Variants in PCDHB10 observed in about 807,000 individuals in gnomAD.
PCDHB10 encodes the protein protocadherin beta-10.
For missense variants in PCDHB10, 1,046 were observed against 1,004.7 expected (o/e 1.04, Z -0.56); for synonymous variants, 448 against 449.2 (o/e 1.00, Z 0.04).
chr5:141,195,126 GTTTAA>G lies in PCDHB10; in HGVS notation c.*178_*182del, dbSNP rs2149670873. The G allele has an allele frequency of 1.6e-6, 1 of 642,078 alleles. No homozygotes were observed. Among genetic ancestry groups the G allele is most frequent in the African/African-American group, 1.9e-5 (1 of 53,326 alleles). The allele number at this position is 642,078 out of a possible 1,614,324, so 39.8% of individuals were successfully genotyped here. On this transcript the variant is annotated 3_prime_UTR_variant, in exon 1 of 1. Transcript: ENST00000239446. Reference sequence around the variant, plus strand: ...ATTTTTTTGCATTAATAACAACTGGGTTTAATTTAATGAGTATTTTTTTCTAAATG... The same window carrying G: ...ATTTTTTTGCATTAATAACAACTGGGTTTAATGAGTATTTTTTTCTAAATG...
rs1387667515 is a variant in PCDHB10 at position 141,195,027 on chromosome 5, C to G, written c.*72C>G. ...TTTCTATTAGTTTACTTTTAAATCTCAAATTTAAGTTATTATGCAACTTCA... is the reference window on the plus strand; with the variant it reads ...TTTCTATTAGTTTACTTTTAAATCTGAAATTTAAGTTATTATGCAACTTCA... On this transcript the variant is annotated 3_prime_UTR_variant, in exon 1 of 1. Transcript: ENST00000239446. 5.5e-6 allele frequency: 8 copies of G among 1,446,088 alleles called. No individual in the cohort carries two copies. Among genetic ancestry groups the G allele is most frequent in the Non-Finnish European group, 6.5e-6 (7 of 1,076,960 alleles). 89.6% of individuals were successfully genotyped at this position (1,446,088 alleles called of 1,614,324 possible). A position where few individuals can be genotyped will look rare whatever the true frequency, so the allele number is the denominator to read the frequency against.
At position 141,193,321 on chromosome 5, in the gene PCDHB10, A is replaced by C; in HGVS notation, c.769A>C (p.Ile257Leu). 6.2e-7 allele frequency: 1 copy of C among 1,614,070 alleles called. No individual in the cohort carries two copies. The highest frequency in any genetic ancestry group is 8.5e-7 in the Non-Finnish European group (1 of 1,179,988). ...GACCCAGGCTCCAGAAAACAGCCCC[A>C]TTGGGTTCCTTATTGTTAAGGTATG... ...YETQAPENSP[I>L]GFLIVKVWAE... The change falls in exon 1 of 1, where the codon ATT (isoleucine) becomes CTT (leucine). Residue 257 changes from isoleucine (I) to leucine (L), a missense_variant. Transcript: ENST00000239446.
Position 141,195,011 on chromosome 5 carries a change from G to A in PCDHB10, c.*56G>A. On this transcript the variant is annotated 3_prime_UTR_variant, in exon 1 of 1. Coordinates refer to ENST00000239446, the MANE Select transcript of PCDHB10 (RefSeq NM_018930.4). ...GTGTTACATAGCCATGTTTCTATTA[G>A]TTTACTTTTAAATCTCAAATTTAAG... 1 of 1,495,166 alleles carries A rather than the reference G, an allele frequency of 6.7e-7. No homozygotes were observed. Among genetic ancestry groups the A allele is most frequent in the African/African-American group, 1.4e-5 (1 of 71,362 alleles). The allele number at this position is 1,495,166 out of a possible 1,614,324, so 92.6% of individuals were successfully genotyped here.
At position 141,193,053 on chromosome 5, in the gene PCDHB10, C is replaced by G; in HGVS notation, c.501C>G (p.Ile167Met). Residue 167 changes from isoleucine to methionine, a missense_variant, in exon 1 of 1, where the codon ATC becomes ATG. Transcript: ENST00000239446. ...AQDPDGGLNG[I>M]QNYTISPNSF... ...ATCCAGATGGAGGACTTAACGGTAT[C>G]CAAAACTACACGATCAGCCCCAACT... The G allele has an allele frequency of 6.2e-7, 1 of 1,614,166 alleles. No individual in the cohort carries two copies. Among genetic ancestry groups the G allele is most frequent in the Non-Finnish European group, 8.5e-7 (1 of 1,180,028 alleles).
rs1282697313 is a variant in PCDHB10, at chr5:141,194,800, A to C, written c.2248A>C (p.Ser750Arg). ...DVRGAETLSQ[S>R]YQYEVCLTGG... ...GAGGGGCGCTGAGACCCTGTCCCAG[A>C]GCTACCAGTATGAGGTGTGTCTGAC... Residue 750 changes from serine to arginine, a missense_variant, in exon 1 of 1, where the codon AGC becomes CGC. Transcript: ENST00000239446. 4 of 1,613,914 alleles carry C rather than the reference A, an allele frequency of 2.5e-6. No homozygotes were observed. In the Admixed American group the frequency reaches 6.7e-5, roughly 27 times the overall value.
In PCDHB10 at chr5:141,194,579, C is replaced by A. The variant is rs371615650; in HGVS notation, c.2027C>A (p.Ala676Glu). 6.4e-7 allele frequency: 1 copy of A among 1,559,114 alleles called. No homozygotes were observed. Among genetic ancestry groups the A allele is most frequent in the Admixed American group, 1.8e-5 (1 of 54,508 alleles). Residue 676 changes from alanine (A) to glutamate (E), a missense_variant, in exon 1 of 1, where the codon GCG (alanine) becomes GAG (glutamate). Ala to Glu is a moderately radical substitution (Grantham distance 107). Transcript: ENST00000239446. ...CAGCCCTACCTGCCTCTCCCGGAGG[C>A]GGCCCCGGCCCAGGCCCAGGCCGAG... Reference protein sequence around the residue: ...FSQPYLPLPEAAPAQAQAEAD... With the variant: ...FSQPYLPLPEEAPAQAQAEAD...
In PCDHB10 at chr5:141,192,972, A is replaced by T. The variant is rs1554283933; in HGVS notation, c.420A>T (p.Leu140Phe). ...APVFQDKETVLKISENTAEGT... is the reference protein window; with the variant it reads ...APVFQDKETVFKISENTAEGT... ...TATTTCAGGACAAAGAAACAGTCTTAAAAATATCAGAAAATACAGCTGAAG... is the reference window on the plus strand; with the variant it reads ...TATTTCAGGACAAAGAAACAGTCTTTAAAATATCAGAAAATACAGCTGAAG... The change falls in exon 1 of 1, where the codon TTA becomes TTT. Residue 140 changes from leucine to phenylalanine, a missense_variant. Coordinates refer to ENST00000239446, the MANE Select transcript of PCDHB10 (RefSeq NM_018930.4). 6.2e-7 allele frequency: 1 copy of T among 1,614,104 alleles called. No homozygotes were observed. The highest frequency in any genetic ancestry group is 1.3e-5 in the African/African-American group (1 of 74,920).
rs370823602 is a variant in PCDHB10, at chr5:141,194,988, G to T, written c.*33G>T. 2.0e-6 allele frequency: 3 copies of T among 1,538,230 alleles called. No individual in the cohort carries two copies. The highest frequency in any genetic ancestry group is 2.6e-6 in the Non-Finnish European group (3 of 1,142,412). Reference sequence around the variant, plus strand: ...TTTTAGTTTCATATACTTTTGGTGTGTTACATAGCCATGTTTCTATTAGTT... The same window carrying T: ...TTTTAGTTTCATATACTTTTGGTGTTTTACATAGCCATGTTTCTATTAGTT... On this transcript the variant is annotated 3_prime_UTR_variant, in exon 1 of 1. Transcript: ENST00000239446.
In PCDHB10 at chr5:141,195,047, A is replaced by G; in HGVS notation, c.*92A>G. The G allele has an allele frequency of 1.5e-6, 2 of 1,347,710 alleles. No homozygotes were observed. The highest frequency in any genetic ancestry group is 2.0e-6 in the Non-Finnish European group (2 of 996,210). 83.5% of individuals were successfully genotyped at this position (1,347,710 alleles called of 1,614,324 possible). ...AATCTCAAATTTAAGTTATTATGCA[A>G]CTTCAAGCATTATTTTCAAGTAGTA... On this transcript the variant is annotated 3_prime_UTR_variant, in exon 1 of 1. Coordinates refer to ENST00000239446, the MANE Select transcript of PCDHB10 (RefSeq NM_018930.4).
rs1554284125 is a variant in PCDHB10 at position 141,193,634 on chromosome 5, C to T, written c.1082C>T (p.Pro361Leu). Residue 361 changes from proline to leucine, a missense_variant, in exon 1 of 1, where the codon CCT (proline) becomes CTT (leucine). Transcript: ENST00000239446. ...TCCAACTCTGTTGCTGAGAATTCTC[C>T]TGAGACGCCGCTGGCTGTTTTTAAG... ...SFSNSVAENS[P>L]ETPLAVFKIN... is the part of the protein sequence containing the mutation. 3 of 1,614,144 alleles carry T rather than the reference C, an allele frequency of 1.9e-6. No homozygotes were observed. Among genetic ancestry groups the T allele is most frequent in the Non-Finnish European group, 1.7e-6 (2 of 1,180,040 alleles).
rs1754022082 is a variant in PCDHB10 at position 141,194,900 on chromosome 5, G to A, written c.2348G>A (p.Arg783Lys). The A allele has an allele frequency of 6.2e-7, 1 of 1,613,330 alleles. No homozygotes were observed. The highest frequency in any genetic ancestry group is 1.1e-5 in the South Asian group (1 of 91,002). ...GATATTCAGGCACAGGGCCCTGGGAGGAAGGGTGAAGAAAATTCCACCTTC... is the reference window on the plus strand; with the variant it reads ...GATATTCAGGCACAGGGCCCTGGGAAGAAGGGTGAAGAAAATTCCACCTTC... ...ISDIQAQGPG[R>K]KGEENSTFRN... is the part of the protein sequence containing the mutation. Residue 783 changes from arginine to lysine, a missense_variant, in exon 1 of 1, where the codon AGG (arginine) becomes AAG (lysine). Transcript: ENST00000239446.
chr5:141,194,388 C>G lies in PCDHB10; in HGVS notation c.1836C>G (p.Pro612=). The change falls in exon 1 of 1, where the codon CCC becomes CCG. Residue 612 remains proline (P), a synonymous_variant. Coordinates refer to ENST00000239446, the MANE Select transcript of PCDHB10 (RefSeq NM_018930.4). The part of the protein sequence containing the change: ...LSYQLLKATE[P]GLFGVWAHNG... Reference sequence around the variant, plus strand: ...ACCAGCTGCTCAAGGCCACGGAGCCCGGGCTGTTCGGTGTGTGGGCGCACA... The same window carrying G: ...ACCAGCTGCTCAAGGCCACGGAGCCGGGGCTGTTCGGTGTGTGGGCGCACA... 1 of 1,602,630 alleles carries G rather than the reference C, an allele frequency of 6.2e-7. No homozygotes were observed. The highest frequency in any genetic ancestry group is 8.5e-7 in the Non-Finnish European group (1 of 1,179,380).
Position 141,194,495 on chromosome 5 carries a change from G to C in PCDHB10, c.1943G>C (p.Gly648Ala). Residue 648 changes from glycine (G) to alanine (A), a missense_variant, in exon 1 of 1, where the codon GGC becomes GCC. Coordinates refer to ENST00000239446, the MANE Select transcript of PCDHB10 (RefSeq NM_018930.4). Reference protein sequence around the residue: ...HRLVVLVKDNGEPPRSATATL... With the variant: ...HRLVVLVKDNAEPPRSATATL... ...CTCGTGGTGCTTGTCAAGGACAATG[G>C]CGAGCCTCCTCGCTCGGCCACCGCC... 1.9e-6 allele frequency: 3 copies of C among 1,593,076 alleles called. No individual in the cohort carries two copies. The highest frequency in any genetic ancestry group is 2.6e-6 in the Non-Finnish European group (3 of 1,175,316).
Position 141,194,988 on chromosome 5 carries a change from G to A in PCDHB10, c.*33G>A, listed in dbSNP as rs370823602. ...TTTTAGTTTCATATACTTTTGGTGT[G>A]TTACATAGCCATGTTTCTATTAGTT... On this transcript the variant is annotated 3_prime_UTR_variant, in exon 1 of 1. Transcript: ENST00000239446. The A allele has an allele frequency of 1.2e-5, 18 of 1,538,230 alleles. No individual in the cohort carries two copies. In the African/African-American group the frequency reaches 2.5e-4, roughly 21 times the overall value.
Position 141,193,371 on chromosome 5 carries a change from C to T in PCDHB10, c.819C>T (p.Val273=). ...KVWAEDVDSG[V]NAEVSYSFFD... The stretch of plus-strand genomic sequence containing the variant: ...GGGCAGAAGATGTAGACTCTGGAGT[C>T]AACGCGGAAGTATCCTATTCATTTT... The change falls in exon 1 of 1, where the codon GTC becomes GTT. Residue 273 remains valine, a synonymous_variant. Transcript: ENST00000239446. 1.2e-6 allele frequency: 2 copies of T among 1,614,174 alleles called. No individual in the cohort carries two copies. Among genetic ancestry groups the T allele is most frequent in the Non-Finnish European group, 1.7e-6 (2 of 1,180,026 alleles).
chr5:141,194,643 C>G lies in PCDHB10; in HGVS notation c.2091C>G (p.Ala697=). 1 of 1,601,786 alleles carries G rather than the reference C, an allele frequency of 6.2e-7. No individual in the cohort carries two copies. The highest frequency in any genetic ancestry group is 8.5e-7 in the Non-Finnish European group (1 of 1,178,990). The change falls in exon 1 of 1, where the codon GCC becomes GCG. Residue 697 remains alanine, a synonymous_variant. Coordinates refer to ENST00000239446, the MANE Select transcript of PCDHB10 (RefSeq NM_018930.4). ...CCGTCTACCTGGTGGTGGCGTTGGC[C>G]TCGGTGTCTTCGCTCTTCCTCCTCT... ...LLTVYLVVAL[A]SVSSLFLLSV...
Position 141,194,754 on chromosome 5 carries a change from T to C in PCDHB10, c.2202T>C (p.Phe734=), listed in dbSNP as rs1754015715. The part of the protein sequence containing the change: ...VGRCSVPEGP[F]PGHLVDVRGA... The stretch of plus-strand genomic sequence containing the variant: ...GCTGCTCGGTGCCCGAGGGTCCTTT[T>C]CCAGGGCATCTGGTGGACGTGAGGG... Residue 734 remains phenylalanine, a synonymous_variant, in exon 1 of 1, where the codon TTT becomes TTC. Coordinates refer to ENST00000239446, the MANE Select transcript of PCDHB10 (RefSeq NM_018930.4). The C allele has an allele frequency of 1.2e-6, 2 of 1,613,812 alleles. No homozygotes were observed. The highest frequency in any genetic ancestry group is 2.7e-5 in the African/African-American group (2 of 74,872).
chr5:141,194,452 G>A lies in PCDHB10; in HGVS notation c.1900G>A (p.Asp634Asn), dbSNP rs1754001871. Residue 634 changes from aspartate (D) to asparagine (N), a missense_variant, in exon 1 of 1, where the codon GAC becomes AAC. Coordinates refer to ENST00000239446, the MANE Select transcript of PCDHB10 (RefSeq NM_018930.4). ...CACCGCCAGGCTGCTGAGCGAGCGC[G>A]ACGCAGCCAAGCACAGGCTCGTGGT... is the stretch of plus-strand genomic sequence containing the variant. ...VRTARLLSER[D>N]AAKHRLVVLV... is the part of the protein sequence containing the mutation. 6.2e-7 allele frequency: 1 copy of A among 1,604,270 alleles called. No individual in the cohort carries two copies. Among genetic ancestry groups the A allele is most frequent in the African/African-American group, 1.3e-5 (1 of 74,958 alleles).
Position 141,193,233 on chromosome 5 carries a change from T to C in PCDHB10, c.681T>C (p.Thr227=). ...CTCCATCCAGGTCTGGGACCTCTAC[T>C]GTACGCATCGTTGTCTTGGACGTCA... The part of the protein sequence containing the change: ...GGSPSRSGTS[T]VRIVVLDVND... The change falls in exon 1 of 1, where the codon ACT becomes ACC. Residue 227 remains threonine (T), a synonymous_variant. Transcript: ENST00000239446. The C allele has an allele frequency of 6.2e-7, 1 of 1,614,108 alleles. No individual in the cohort carries two copies. Among genetic ancestry groups the C allele is most frequent in the Non-Finnish European group, 8.5e-7 (1 of 1,180,026 alleles).
Sources: gnomAD v4.1 joint callset for allele counts on GRCh38, gnomAD v4.1.1 for gene constraint, MANE v1.5 for transcripts, NCBI Gene and HGNC (gene_info 2026-07-23, HGNC 2026-07-21) for gene names.